The following C2CD3 variants were observed in gnomAD, a reference collection of about 807,000 sequenced individuals.
C2CD3 encodes C2 domain containing 3 centriole elongation regulator.
A neutral mutation model predicts 234.0 loss-of-function variants in C2CD3; 148 were observed. The observed-to-expected ratio is 0.63, with a 90% CI of 0.55 to 0.72. The LOEUF (loss-of-function observed/expected upper bound fraction) is 0.72, where lower values mean the gene tolerates loss of function less well. C2CD3 is among the 30% of genes least tolerant of loss of function. The pLI, the probability that C2CD3 is intolerant of heterozygous loss-of-function variation, is 0.00. For missense variants in C2CD3, 2,577 were observed against 2,811.5 expected, an observed-to-expected ratio of 0.92 and a Z score of 1.89; for synonymous variants, 1,000 against 1,035.4, an observed-to-expected ratio of 0.97 and a Z score of 0.66.
intron 24 of C2CD3, among the ~76,000 whole-genome samples, chr11:74,064,755 G>A (rs1349817585): frequency 2.6e-5 from 4 of 151,954 alleles, no homozygotes; most frequent in Non-Finnish European, 4.4e-5. Context: ...TAGAGCCCTC[G>A]GAAATAATAC....
intron 3 of C2CD3, among the ~76,000 whole-genome samples, chr11:74,158,197 C>T (rs1184781557): frequency 2.0e-5 from 3 of 152,208 alleles, no homozygotes; most frequent in African/African-American, 7.2e-5. Flanking sequence ...GTACATCAAA[C>T]TAAAAAGCTC....
rs749650151 is a variant in C2CD3 at position 74,085,839 on chromosome 11, C to T, written c.3689G>A (p.Gly1230Glu). ...EPALQFSATV[G>E]VNASVTTHLS... ...ATGAGTGGTGACAGAGGCATTGACC[C>T]CGACTGTGGCACTAAACTGTAGAGC... The change falls in exon 21 of 33, where the codon GGG (glycine) becomes GAG (glutamate). Residue 1230 changes from glycine to glutamate, a missense_variant. Gly to Glu is a moderately conservative substitution (Grantham distance 98). Transcript: ENST00000334126. 5 of 1,614,042 alleles carry T rather than the reference C, an allele frequency of 3.1e-6. No individual in the cohort carries two copies.
In C2CD3 at chr11:74,095,128, A is replaced by T. The variant is rs532732211; in HGVS notation, c.3160+100T>A. Reference sequence around the variant, plus strand: ...GTTTTACTGCCCAGTAAGACTAGAAATATTCAACAACACAAAATTCACTCA... The same window carrying T: ...GTTTTACTGCCCAGTAAGACTAGAATTATTCAACAACACAAAATTCACTCA... On this transcript the variant is annotated intron_variant, in intron 17 of 32. Transcript: ENST00000334126. 1.4e-4 allele frequency: 109 copies of T among 756,240 alleles called. 2 individuals are homozygous for T. In the East Asian group the frequency reaches 3.4e-3, roughly 24 times the overall value. The allele number at this position is 756,240 out of a possible 1,614,324, so 46.8% of individuals were successfully genotyped here. A position where few individuals can be genotyped will look rare whatever the true frequency, so the allele number is the denominator to read the frequency against.
At chr11:74,168,834 T>C (rs914166468) in intron 1 of C2CD3, among the ~76,000 whole-genome samples, 2 of 152,232 alleles carry the variant, frequency 1.3e-5, no homozygotes, top group Admixed American at 1.3e-4. Flanking sequence ...GCCACTCTGA[T>C]AACTAATTAG....
chr11:74,056,177 A>C (rs890366577), intron 25 of C2CD3, among the ~76,000 whole-genome samples: 8 of 152,176 alleles, frequency 5.3e-5, no homozygotes, highest in African/African-American at 1.4e-4. Flanking sequence ...CTCAATAAGT[A>C]CACAAACACT....
At chr11:74,147,776 G>A (rs1432014608) in intron 3 of C2CD3, among the ~76,000 whole-genome samples, 1 of 152,172 alleles carries the variant, frequency 6.6e-6, no homozygotes, top group African/African-American at 2.4e-5. Flanking sequence ...GGAACTATCT[G>A]TCCTACTTTT....
chr11:74,095,381 C>G lies in C2CD3; in HGVS notation c.3007G>C (p.Glu1003Gln). The change falls in exon 17 of 33, where the codon GAG becomes CAG. Residue 1003 changes from glutamate to glutamine, a missense_variant. Physicochemically the swap from Glu to Gln is conservative, Grantham distance 29. Coordinates refer to ENST00000334126, the MANE Select transcript of C2CD3 (RefSeq NM_001286577.2). The part of the protein sequence containing the change: ...MAEDRGNGLM[E>Q]HCFEIHIEMV... ...TCTATATGGATCTCAAAGCAGTGCTCCATCAGTCCATTTCCTCGGTCCTCT... is the reference window on the plus strand; with the variant it reads ...TCTATATGGATCTCAAAGCAGTGCTGCATCAGTCCATTTCCTCGGTCCTCT... The G allele has an allele frequency of 6.2e-7, 1 of 1,612,938 alleles. No homozygotes were observed. The highest frequency in any genetic ancestry group is 1.1e-5 in the South Asian group (1 of 90,906).
At chr11:74,122,142 G>C (rs1454096484) in intron 8 of C2CD3, among the ~76,000 whole-genome samples, 1 of 152,174 alleles carries the variant, frequency 6.6e-6, no homozygotes, top group East Asian at 1.9e-4. Context: ...TTCTCATCTA[G>C]TCAATTGGGT....
At chr11:74,123,272 C>T in intron 7 of C2CD3, 137 bp from the exon 8 acceptor site, 1 of 636,366 alleles carries the variant, frequency 1.6e-6, no homozygotes, top group Non-Finnish European at 2.7e-6. Flanking sequence ...AAACAAAAGA[C>T]TACTGAATAA....
intron 26 of C2CD3, among the ~76,000 whole-genome samples, chr11:74,052,748 C>G (rs749216243): frequency 1.3e-5 from 2 of 152,174 alleles, no homozygotes; most frequent in Admixed American, 6.5e-5. Flanking sequence ...TAGAACTCAT[C>G]ATCAAAACAA....
rs746261791 is a variant in C2CD3 at position 74,095,397 on chromosome 11, T to G, written c.2991A>C (p.Arg997=). 1 of 1,612,256 alleles carries G rather than the reference T, an allele frequency of 6.2e-7. No homozygotes were observed. Among genetic ancestry groups the G allele is most frequent in the East Asian group, 2.2e-5 (1 of 44,846 alleles). The change falls in exon 17 of 33, where the codon CGA becomes CGC. Residue 997 remains arginine (R), a synonymous_variant. Coordinates refer to ENST00000334126, the MANE Select transcript of C2CD3 (RefSeq NM_001286577.2). ...TAASVAMAED[R]GNGLMEHCFE... ...AGCAGTGCTCCATCAGTCCATTTCC[T>G]CGGTCCTCTGCCTATTAAATGAAAC...
At position 74,170,887 on chromosome 11, in the gene C2CD3, G is replaced by A; in HGVS notation, c.-95C>T. 6.3e-7 allele frequency: 1 copy of A among 1,589,844 alleles called. No homozygotes were observed. Among genetic ancestry groups the A allele is most frequent in the Non-Finnish European group, 8.6e-7 (1 of 1,168,620 alleles). ...CCTCCCCACGGCGCCTGCGTTCCCC[G>A]GCAACCGGCGCCGCTGGGCAGCCTG... On this transcript the variant is annotated 5_prime_UTR_variant, in exon 1 of 33. Coordinates refer to ENST00000334126, the MANE Select transcript of C2CD3 (RefSeq NM_001286577.2).
intron 7 of C2CD3, among the ~76,000 whole-genome samples, chr11:74,131,852 G>A (rs1040725952): frequency 2.6e-5 from 4 of 152,120 alleles, no homozygotes; most frequent in African/African-American, 7.2e-5. Context: ...GATTATAGGC[G>A]TGAGCTTTTG....
chr11:74,041,339 C>T (rs58489220), intron 29 of C2CD3, among the ~76,000 whole-genome samples: 2,680 of 152,194 alleles, frequency 0.018, 78 homozygotes, highest in African/African-American at 0.061. Context: ...CTTGACTTGC[C>T]CCTGAGCCTT....
At chr11:74,094,063 A>C in intron 17 of C2CD3, 64 bp from the exon 18 acceptor site, 1 of 1,342,692 alleles carries the variant, frequency 7.4e-7, no homozygotes, top group Non-Finnish European at 1.0e-6. Flanking sequence ...TTCTTCTTTC[A>C]TGTTCTTCCA....
intron 18 of C2CD3, among the ~76,000 whole-genome samples, chr11:74,093,090 T>C (rs1590780187): frequency 1.3e-5 from 2 of 152,126 alleles, no homozygotes; most frequent in African/African-American, 2.4e-5. Context: ...TGACTGACAA[T>C]TAATTGTATT....
At chr11:74,088,836 ATTC>A (rs1258744407) in intron 20 of C2CD3, among the ~76,000 whole-genome samples, 1 of 152,170 alleles carries the variant, frequency 6.6e-6, no homozygotes, top group Non-Finnish European at 1.5e-5. Flanking sequence ...GATAACTACT[ATTC>A]TTCTTTTAAG....
chr11:74,117,676 G>A (rs567446990), intron 9 of C2CD3, among the ~76,000 whole-genome samples: 15 of 152,134 alleles, frequency 9.9e-5, no homozygotes, highest in African/African-American at 3.6e-4. Context: ...CACTTTGGGA[G>A]GCCAAGGTGG....
chr11:74,049,657 G>A (rs2135430302), intron 26 of C2CD3, 115 bp from the exon 27 acceptor site: 1 of 755,862 alleles, frequency 1.3e-6, no homozygotes, highest in East Asian at 2.7e-5. Context: ...TGATCCCAAA[G>A]CCATCAGAGA....
Sources: allele counts gnomAD v4.1 joint callset (sites outside exome capture counted in the v4.1 genomes callset), GRCh38; gene constraint gnomAD v4.1.1; transcripts MANE v1.5; gene names NCBI Gene and HGNC (gene_info 2026-07-23, HGNC 2026-07-21).